The following ZNF407 variants were observed in gnomAD, a reference collection of about 807,000 sequenced individuals.
ZNF407 encodes the protein zinc finger protein 407.
A neutral mutation model predicts 131.2 loss-of-function variants in ZNF407; 17 were observed. That is an observed-to-expected ratio of 0.13 (90% CI 0.09 to 0.19). ZNF407 has a LOEUF of 0.19. Among genes scored for constraint, ZNF407 ranks in the 10% least tolerant of loss-of-function variants. The pLI is 1.00. For missense variants in ZNF407, 2,681 were observed against 2,830.6 expected (o/e 0.95, Z 1.20); for synonymous variants, 1,156 against 1,062.0 (o/e 1.09, Z -1.72).
intron 4 of ZNF407, among the ~76,000 whole-genome samples, chr18:74,785,732 G>A (rs371868127): frequency 9.2e-5 from 14 of 152,054 alleles, no homozygotes; most frequent in African/African-American, 2.7e-4. Context: ...GTGGAAAAGC[G>A]CATGCACCTG....
chr18:74,776,776 G>A (rs1047788965), intron 3 of ZNF407, among the ~76,000 whole-genome samples: 4 of 152,188 alleles, frequency 2.6e-5, no homozygotes, highest in East Asian at 1.9e-4. Flanking sequence ...AACATGAACC[G>A]CAGATGAACA....
intron 1 of ZNF407, among the ~76,000 whole-genome samples, chr18:74,609,393 C>G (rs1982955175): frequency 1.3e-5 from 2 of 152,156 alleles, no homozygotes; most frequent in African/African-American, 4.8e-5. Flanking sequence ...TCCTAGGCAA[C>G]AAACCCATAT....
In ZNF407 at chr18:74,967,743, G is replaced by A. The variant is rs114432471; in HGVS notation, c.5428+47051G>A. On this transcript the variant is annotated intron_variant, in intron 8 of 8. Transcript: ENST00000299687. ...GTGAAAGTCATGTTCAAATAACGTT[G>A]TTCAATGTTTTGCTAAAGGAAATAA... is the stretch of plus-strand genomic sequence containing the variant. 3.5e-3 allele frequency among the ~76,000 whole-genome samples: 533 copies of A among 152,252 alleles called. 2 individuals are homozygous for A. Among genetic ancestry groups the A allele is most frequent in the African/African-American group, 0.012 (507 of 41,540 alleles).
intron 8 of ZNF407, among the ~76,000 whole-genome samples, chr18:75,017,473 T>C (rs1157910271): frequency 6.6e-6 from 1 of 152,140 alleles, no homozygotes; most frequent in Non-Finnish European, 1.5e-5. Flanking sequence ...TTTATAGGGA[T>C]GAAGTTTTCT....
rs1983178262 is a variant in ZNF407, at chr18:74,614,048, T to G, written c.-54+16111T>G. 2.0e-5 allele frequency among the ~76,000 whole-genome samples: 3 copies of G among 152,206 alleles called. No individual in the cohort carries two copies. The East Asian group carries it at 5.8e-4, about 29-fold the overall frequency. ...ATTTCTGCTGGTCATGAATTATGGA[T>G]CAGAGTTTGATATATGATTATTGGA... On this transcript the variant is annotated intron_variant, in intron 1 of 8. Coordinates refer to ENST00000299687, the MANE Select transcript of ZNF407 (RefSeq NM_017757.3).
chr18:74,962,668 C>T (rs1037058629), intron 8 of ZNF407, among the ~76,000 whole-genome samples: 1 of 152,256 alleles, frequency 6.6e-6, no homozygotes, highest in Non-Finnish European at 1.5e-5. Flanking sequence ...CCTTTGCACA[C>T]ATACAGCACC....
At chr18:75,006,670 C>T (rs1972914259) in intron 8 of ZNF407, among the ~76,000 whole-genome samples, 1 of 152,168 alleles carries the variant, frequency 6.6e-6, no homozygotes, top group African/African-American at 2.4e-5. Flanking sequence ...CCTTTTGGTA[C>T]AGCAGTGAGC....
At chr18:74,910,249 A>G (rs1210923698) in intron 7 of ZNF407, among the ~76,000 whole-genome samples, 1 of 152,216 alleles carries the variant, frequency 6.6e-6, no homozygotes, top group Admixed American at 6.5e-5. Context: ...GTTTATAAAC[A>G]TGAGTTGTAA....
rs982077875 is a variant in ZNF407, at chr18:74,744,282, T to G, written c.4803-37146T>G. Among the ~76,000 whole-genome samples, 10 of 152,318 alleles carry G rather than the reference T, an allele frequency of 6.6e-5. No homozygotes were observed. The East Asian group carries it at 1.9e-3, about 29-fold the overall frequency. On this transcript the variant is annotated intron_variant, in intron 3 of 8. Transcript: ENST00000299687. ...TCATGTCCCTGTTTCCAGTGCTCTG[T>G]CATGAAGGGACGTCCTCTGATGCCA...
chr18:74,701,186 G>A (rs1228011727), intron 3 of ZNF407, among the ~76,000 whole-genome samples: 1 of 152,174 alleles, frequency 6.6e-6, no homozygotes, highest in Non-Finnish European at 1.5e-5. Flanking sequence ...AGCTGTGAGA[G>A]TGTTAGCTTC....
Position 74,609,110 on chromosome 18 carries a change from G to C in ZNF407, c.-54+11173G>C, listed in dbSNP as rs200685670. ...CAAACATAGCAGGGGAGAGGTAAAG[G>C]CTTAAGCTGTTGGAAGTACATGCAT... On this transcript the variant is annotated intron_variant, in intron 1 of 8. Coordinates refer to ENST00000299687, the MANE Select transcript of ZNF407 (RefSeq NM_017757.3). Among the ~76,000 whole-genome samples, 4 of 152,146 alleles carry C rather than the reference G, an allele frequency of 2.6e-5. No individual in the cohort carries two copies. In the East Asian group the frequency reaches 7.7e-4, roughly 29 times the overall value.
chr18:74,991,722 T>A, intron 8 of ZNF407, among the ~76,000 whole-genome samples: 1 of 152,198 alleles, frequency 6.6e-6, no homozygotes, highest in East Asian at 1.9e-4. Flanking sequence ...GCCCACTGAT[T>A]CTTCACTTGT....
intron 4 of ZNF407, among the ~76,000 whole-genome samples, chr18:74,861,321 G>A (rs1204018386): frequency 6.6e-6 from 1 of 152,196 alleles, no homozygotes; most frequent in Non-Finnish European, 1.5e-5. Flanking sequence ...CAGACAGTGT[G>A]TAAATCTGTC....
intron 1 of ZNF407, among the ~76,000 whole-genome samples, chr18:74,618,319 A>AAGT (rs1441995318): frequency 6.6e-6 from 1 of 152,148 alleles, no homozygotes; most frequent in Non-Finnish European, 1.5e-5. Context: ...ACTAAAGACC[A>AAGT]AGTTCTCCAT....
At chr18:74,872,681 G>T (rs1291915313) in intron 4 of ZNF407, among the ~76,000 whole-genome samples, 1 of 151,158 alleles carries the variant, frequency 6.6e-6, no homozygotes, top group Non-Finnish European at 1.5e-5. Context: ...CGCTTGAACT[G>T]GGAGGCAGAA....
intron 8 of ZNF407, among the ~76,000 whole-genome samples, chr18:75,046,962 G>A (rs1274424790): frequency 6.6e-6 from 1 of 152,042 alleles, no homozygotes; most frequent in Non-Finnish European, 1.5e-5. Flanking sequence ...AGTATCTGAA[G>A]AAAAAGGGAA....
chr18:75,020,902 A>G (rs1423271084), intron 8 of ZNF407, among the ~76,000 whole-genome samples: 1 of 152,210 alleles, frequency 6.6e-6, no homozygotes, highest in East Asian at 1.9e-4. Context: ...CAAATGTACA[A>G]TAATGAGACA....
At chr18:74,706,717 G>A (rs1419792115) in intron 3 of ZNF407, among the ~76,000 whole-genome samples, 5 of 152,160 alleles carry the variant, frequency 3.3e-5, no homozygotes, top group African/African-American at 1.2e-4. Flanking sequence ...ATTGGGGATA[G>A]GGATGGTTCT....
intron 8 of ZNF407, among the ~76,000 whole-genome samples, chr18:74,954,579 A>C (rs60680471): frequency 0.011 from 1,654 of 152,170 alleles, 33 homozygotes; most frequent in African/African-American, 0.037. Context: ...ACTAGTCATA[A>C]TTTTTTTTCA....
Sources: allele counts gnomAD v4.1 joint callset (sites outside exome capture counted in the v4.1 genomes callset), GRCh38; gene constraint gnomAD v4.1.1; transcripts MANE v1.5; gene names NCBI Gene and HGNC (gene_info 2026-07-23, HGNC 2026-07-21).